Variants in LARGE1 observed in about 807,000 individuals in gnomAD.
LARGE1 encodes xylosyl- and glucuronyltransferase LARGE1.
In LARGE1, 43 loss-of-function variants were observed where a neutral mutation model predicts 87.6. The observed-to-expected ratio is 0.49, with a 90% CI of 0.38 to 0.63. LARGE1 has a LOEUF of 0.63. Among genes scored for constraint, LARGE1 ranks in the 30% least tolerant of loss-of-function variants. The pLI is 0.00. For missense variants in LARGE1, 802 were observed against 1,000.2 expected, an observed-to-expected ratio of 0.80 and a Z score of 2.67; for synonymous variants, 434 against 394.6, an observed-to-expected ratio of 1.10 and a Z score of -1.18.
chr22:33,879,269 T>C (rs58948382), intron 1 of LARGE1, among the ~76,000 whole-genome samples: 6,684 of 152,210 alleles, frequency 0.044, 477 homozygotes, highest in African/African-American at 0.15. Flanking sequence ...CCCAGTCTCT[T>C]TTCTTATATA....
intron 1 of LARGE1, among the ~76,000 whole-genome samples, chr22:33,863,562 C>T (rs1268579476): frequency 6.6e-6 from 1 of 151,460 alleles, no homozygotes; most frequent in Non-Finnish European, 1.5e-5. Context: ...TCGAGACCAG[C>T]CTGACCAACA....
chr22:33,650,304 G>A (rs2080753583), intron 3 of LARGE1, 63 bp downstream of exon 3: 1 of 1,595,018 alleles, frequency 6.3e-7, no homozygotes, highest in South Asian at 1.1e-5. Flanking sequence ...GGAGGCATTT[G>A]CAAGGGGTGA....
intron 6 of LARGE1, among the ~76,000 whole-genome samples, chr22:33,551,950 C>T (rs989370906): frequency 6.1e-4 from 90 of 146,662 alleles, no homozygotes; most frequent in African/African-American, 2.2e-3. Flanking sequence ...GCCGAGATCG[C>T]GCCACTGCAC....
At chr22:33,171,266 A>G (rs1170882843) in intron 11 of LARGE1, among the ~76,000 whole-genome samples, 1 of 152,216 alleles carries the variant, frequency 6.6e-6, no homozygotes, top group East Asian at 1.9e-4. Context: ...ACTTATGTTT[A>G]AAAGGGAAGT....
At chr22:33,133,386 G>A in the LARGE1 span, among the ~76,000 whole-genome samples, 1 of 152,060 alleles carries the variant, frequency 6.6e-6, no homozygotes, top group African/African-American at 2.4e-5. Context: ...GTGTCCATGT[G>A]TTCTCATTGT....
At chr22:33,371,547 TAA>T (rs528327854) in intron 9 of LARGE1, among the ~76,000 whole-genome samples, 2 of 152,188 alleles carry the variant, frequency 1.3e-5, no homozygotes, top group Non-Finnish European at 2.9e-5. Flanking sequence ...GGCTCTTACT[TAA>T]ACAAACACCT....
intron 11 of LARGE1, among the ~76,000 whole-genome samples, chr22:33,210,625 C>T (rs1924913252): frequency 6.6e-6 from 1 of 152,264 alleles, no homozygotes; most frequent in Non-Finnish European, 1.5e-5. Flanking sequence ...GCAGACGTGG[C>T]CTGATGGCAC....
At position 33,384,287 on chromosome 22, in the gene LARGE1, G is replaced by T; in HGVS notation, c.910C>A (p.Leu304Met). 1 of 1,613,654 alleles carries T rather than the reference G, an allele frequency of 6.2e-7. No individual in the cohort carries two copies. The highest frequency in any genetic ancestry group is 8.5e-7 in the Non-Finnish European group (1 of 1,179,766). Residue 304 changes from leucine to methionine, a missense_variant, in exon 8 of 15, where the codon CTG (leucine) becomes ATG (methionine). By Grantham distance (15) the Leu-to-Met change is conservative. Around this residue, in one of 2 missense-constraint regions of LARGE1, gnomAD observed 625 missense variants for 841.9 expected, o/e 0.74. Coordinates refer to ENST00000397394, the MANE Select transcript of LARGE1 (RefSeq NM_133642.5). ...GYNTGVILLL[L>M]DKLRKMKWEQ... ...CATTTCATCTTCCGCAGCTTATCCA[G>T]AAGTAACAGGATCACCCCTGGGCAA...
At chr22:33,641,742 C>G (rs1474494745) in intron 3 of LARGE1, among the ~76,000 whole-genome samples, 1 of 151,888 alleles carries the variant, frequency 6.6e-6, no homozygotes. Flanking sequence ...GAAGCATACA[C>G]AAGTATCGAT....
chr22:33,317,885 G>A (rs938666832), intron 10 of LARGE1, among the ~76,000 whole-genome samples: 3 of 152,124 alleles, frequency 2.0e-5, no homozygotes, highest in Non-Finnish European at 2.9e-5. Flanking sequence ...ACCATGACTG[G>A]AGCGATGGGT....
At chr22:33,103,527 G>A in the LARGE1 span, among the ~76,000 whole-genome samples, 1 of 151,464 alleles carries the variant, frequency 6.6e-6, no homozygotes, top group South Asian at 2.1e-4. Context: ...TGTTTCTCAG[G>A]TTGGTCACTG....
At chr22:33,605,174 C>T (rs1602673700) in intron 4 of LARGE1, among the ~76,000 whole-genome samples, 1 of 152,174 alleles carries the variant, frequency 6.6e-6, no homozygotes, top group East Asian at 1.9e-4. Flanking sequence ...GGCCTCCAGC[C>T]TCTACTGAAA....
chr22:33,155,060 T>A, the LARGE1 span, among the ~76,000 whole-genome samples: 1 of 152,190 alleles, frequency 6.6e-6, no homozygotes, highest in Non-Finnish European at 1.5e-5. Flanking sequence ...GAACTGTAAG[T>A]CCAATAAACC....
chr22:33,903,635 G>A (rs1016601656), intron 1 of LARGE1, among the ~76,000 whole-genome samples: 2 of 152,082 alleles, frequency 1.3e-5, no homozygotes, highest in Non-Finnish European at 2.9e-5. Flanking sequence ...GACCAGCCTG[G>A]CCAACATGGT....
chr22:33,526,812 C>T (rs944097498), intron 6 of LARGE1, among the ~76,000 whole-genome samples: 1 of 152,134 alleles, frequency 6.6e-6, no homozygotes, highest in African/African-American at 2.4e-5. Flanking sequence ...TCAATTAATC[C>T]ACCATTTGAT....
chr22:33,107,134 TACTC>T, the LARGE1 span, among the ~76,000 whole-genome samples: 1 of 152,230 alleles, frequency 6.6e-6, no homozygotes, highest in Non-Finnish European at 1.5e-5. Context: ...ATTTCAATGA[TACTC>T]TCTCTCTCAG....
At chr22:33,312,423 C>T (rs966810451) in intron 11 of LARGE1, among the ~76,000 whole-genome samples, 6 of 144,374 alleles carry the variant, frequency 4.2e-5, no homozygotes, top group African/African-American at 1.3e-4. Flanking sequence ...CTGGCGACAC[C>T]GCAAGACTCT....
chr22:33,373,845 G>A (rs867723882), intron 9 of LARGE1, among the ~76,000 whole-genome samples: 12 of 151,860 alleles, frequency 7.9e-5, no homozygotes, highest in East Asian at 1.9e-4. Flanking sequence ...GTGGTGGCAC[G>A]CGCTTGTAGT....
intron 2 of LARGE1, among the ~76,000 whole-genome samples, chr22:33,678,890 T>C (rs927295703): frequency 6.6e-6 from 1 of 152,138 alleles, no homozygotes; most frequent in South Asian, 2.1e-4. Context: ...TCTAACGAAA[T>C]AGTTGATCAC....
Sources: gnomAD v4.1 joint callset for allele counts (sites outside exome capture counted in the v4.1 genomes callset) on GRCh38, gnomAD v4.1.1 for gene constraint, gnomAD v4.1.1 regional missense constraint, MANE v1.5 for transcripts, NCBI Gene and HGNC (gene_info 2026-07-23, HGNC 2026-07-21) for gene names.